Variants in CNTN4 observed in about 807,000 individuals in gnomAD.
The protein encoded by CNTN4 is contactin-4.
CNTN4 carries 77 observed loss-of-function variants against 122.5 expected under a neutral mutation model. The observed-to-expected ratio is 0.63, with a 90% confidence interval of 0.52 to 0.76. The LOEUF is 0.76. Among genes scored for constraint, CNTN4 ranks in the 30% least tolerant of loss-of-function variants. The pLI is 0.00. For missense variants in CNTN4, 1,256 were observed against 1,259.1 expected (o/e 1.00, Z 0.04); for synonymous variants, 512 against 447.0 (o/e 1.15, Z -1.83).
chr3:2,442,566 G>A (rs9833639), intron 3 of CNTN4, among the ~76,000 whole-genome samples: 4,240 of 151,056 alleles, frequency 0.028, 202 homozygotes, highest in African/African-American at 0.092. Context: ...TAATCTTGTC[G>A]TTAACCCCCA....
intron 4 of CNTN4, among the ~76,000 whole-genome samples, chr3:2,639,080 C>T (rs1315113267): frequency 6.6e-6 from 1 of 152,098 alleles, no homozygotes. Flanking sequence ...CACAGCTATC[C>T]GAGTGATTCT....
At chr3:2,120,913 C>T (rs902703058) in intron 2 of CNTN4, among the ~76,000 whole-genome samples, 2 of 151,996 alleles carry the variant, frequency 1.3e-5, no homozygotes, top group Admixed American at 6.6e-5. Flanking sequence ...CTATAATAAT[C>T]CTATGAACTA....
intron 6 of CNTN4, among the ~76,000 whole-genome samples, chr3:2,790,668 G>T (rs2091980278): frequency 6.6e-6 from 1 of 152,142 alleles, no homozygotes; most frequent in Non-Finnish European, 1.5e-5. Context: ...TTATCCAACT[G>T]CTTTGGTTGT....
chr3:2,269,153 C>A (rs1002862350), intron 2 of CNTN4, among the ~76,000 whole-genome samples: 1 of 152,054 alleles, frequency 6.6e-6, no homozygotes, highest in African/African-American at 2.4e-5. Context: ...CAAAGGTGTA[C>A]CCTTCAAAGG....
chr3:2,916,436 T>C (rs2151276879), intron 12 of CNTN4, among the ~76,000 whole-genome samples: 1 of 149,732 alleles, frequency 6.7e-6, no homozygotes, highest in South Asian at 2.2e-4. Context: ...AGCATCTGTT[T>C]AACAAAGCAC....
chr3:2,328,342 CTT>C (rs2043556473), intron 2 of CNTN4, among the ~76,000 whole-genome samples: 1 of 150,596 alleles, frequency 6.6e-6, no homozygotes, highest in South Asian at 2.1e-4. Flanking sequence ...GGAGGCGGAG[CTT>C]GCGGTGAGCC....
At chr3:2,772,355 T>G (rs2091140567) in intron 6 of CNTN4, among the ~76,000 whole-genome samples, 2 of 151,560 alleles carry the variant, frequency 1.3e-5, no homozygotes, top group Non-Finnish European at 2.9e-5. Flanking sequence ...AATACTTTTG[T>G]GGTGAAATCG....
At chr3:2,179,699 A>G (rs1423752123) in intron 2 of CNTN4, among the ~76,000 whole-genome samples, 1 of 151,728 alleles carries the variant, frequency 6.6e-6, no homozygotes, top group East Asian at 1.9e-4. Flanking sequence ...TAGTGAGATG[A>G]TCTACAGGTA....
At chr3:2,964,600 T>A in intron 13 of CNTN4, among the ~76,000 whole-genome samples, 1 of 152,078 alleles carries the variant, frequency 6.6e-6, no homozygotes, top group East Asian at 1.9e-4. Flanking sequence ...TCTTATAAGC[T>A]CCCATATGTG....
At chr3:2,742,924 G>C (rs2089539658) in intron 5 of CNTN4, among the ~76,000 whole-genome samples, 1 of 152,174 alleles carries the variant, frequency 6.6e-6, no homozygotes, top group Middle Eastern at 3.2e-3. Flanking sequence ...ATAGCGCTTT[G>C]TAATAGAGAC....
intron 4 of CNTN4, among the ~76,000 whole-genome samples, chr3:2,723,647 C>T (rs953292416): frequency 1.3e-5 from 2 of 152,190 alleles, no homozygotes; most frequent in African/African-American, 4.8e-5. Context: ...GAGGAGTCCT[C>T]ATGACCTTAT....
intron 3 of CNTN4, chr3:2,511,546 C>T (rs1247503950): frequency 1.3e-5 from 2 of 152,264 alleles, no homozygotes; most frequent in Non-Finnish European, 2.9e-5. Context: ...AGAATATGGT[C>T]CCATTATCTC....
At chr3:2,563,297 A>C (rs2079032400) in intron 3 of CNTN4, among the ~76,000 whole-genome samples, 1 of 152,204 alleles carries the variant, frequency 6.6e-6, no homozygotes, top group South Asian at 2.1e-4. Flanking sequence ...TCAGTGCATA[A>C]AATATACAAT....
At chr3:2,171,908 G>A (rs906754591) in intron 2 of CNTN4, among the ~76,000 whole-genome samples, 1 of 152,124 alleles carries the variant, frequency 6.6e-6, no homozygotes, top group African/African-American at 2.4e-5. Context: ...TTGGTCCTTG[G>A]AACAGGAGCA....
At chr3:2,547,263 T>TATTC (rs2078285983) in intron 3 of CNTN4, among the ~76,000 whole-genome samples, 1 of 149,920 alleles carries the variant, frequency 6.7e-6, no homozygotes. Flanking sequence ...TTTATTTATT[T>TATTC]ATTTATTTAT....
At chr3:3,012,207 A>G (rs1196513788) in intron 14 of CNTN4, among the ~76,000 whole-genome samples, 7 of 152,078 alleles carry the variant, frequency 4.6e-5, no homozygotes, top group African/African-American at 1.2e-4. Flanking sequence ...TTGGATCTGC[A>G]TGGTACAGGC....
chr3:2,534,830 G>C (rs987168662), intron 3 of CNTN4, among the ~76,000 whole-genome samples: 10 of 122,130 alleles, frequency 8.2e-5, no homozygotes, highest in African/African-American at 2.9e-4. Flanking sequence ...TGCTGCTGCT[G>C]CTGCTGTTGC....
chr3:2,656,382 A>G lies in CNTN4; in HGVS notation c.56-79833A>G, dbSNP rs377533795. ...TTTATAATCCCAGATTAAATTGCCC[A>G]GAAGTATCATCAGATCCCCTATCTG... On this transcript the variant is annotated intron_variant, in intron 4 of 24. Coordinates refer to ENST00000418658, the MANE Select transcript of CNTN4 (RefSeq NM_175607.3). 2.8e-4 allele frequency among the ~76,000 whole-genome samples: 43 copies of G among 152,230 alleles called. 3 individuals are homozygous for G. The highest frequency in any genetic ancestry group is 1.8e-3 in the Admixed American group (28 of 15,282).
At chr3:2,737,109 C>G (rs1197683665) in intron 5 of CNTN4, among the ~76,000 whole-genome samples, 1 of 151,544 alleles carries the variant, frequency 6.6e-6, no homozygotes, top group Non-Finnish European at 1.5e-5. Flanking sequence ...GAGACAGGGT[C>G]TCCCTCTGTC....
Sources: allele counts gnomAD v4.1 joint callset (sites outside exome capture counted in the v4.1 genomes callset), GRCh38; gene constraint gnomAD v4.1.1; transcripts MANE v1.5; gene names NCBI Gene and HGNC (gene_info 2026-07-23, HGNC 2026-07-21).